Variants in SEMA3D observed in about 807,000 individuals in gnomAD.
SEMA3D encodes the protein semaphorin-3D.
SEMA3D carries 84 observed loss-of-function variants against 100.1 expected under a neutral mutation model. The ratio of observed to expected loss-of-function variants is 0.84; its 90% CI spans 0.70 to 1.01. The LOEUF is 1.01. Ranked by LOEUF, SEMA3D falls within the 50% of genes least tolerant of loss-of-function variation. The pLI is 0.00. For missense variants in SEMA3D, 875 were observed against 934.1 expected, an observed-to-expected ratio of 0.94 and a Z score of 0.82; for synonymous variants, 312 against 320.7, an observed-to-expected ratio of 0.97 and a Z score of 0.29.
chr7:85,050,775 G>A (rs1791142084), intron 9 of SEMA3D: 2 of 503,564 alleles, frequency 4.0e-6, no homozygotes, highest in Non-Finnish European at 7.0e-6. Context: ...AAATAATAAT[G>A]TAACTTCAGC....
upstream of SEMA3D, among the ~76,000 whole-genome samples, chr7:85,187,285 G>A (rs1043325410): frequency 6.6e-6 from 1 of 152,208 alleles, no homozygotes; most frequent in African/African-American, 2.4e-5. Context: ...TCTAACGTCT[G>A]ATCTTCCTTC....
upstream of SEMA3D, among the ~76,000 whole-genome samples, chr7:85,190,009 G>A (rs574475027): frequency 3.3e-5 from 5 of 152,222 alleles, no homozygotes; most frequent in South Asian, 6.2e-4. Context: ...CATATTGTAG[G>A]CTTCTCCAAT....
the SEMA3D span, among the ~76,000 whole-genome samples, chr7:85,197,192 T>TA: frequency 6.6e-6 from 1 of 152,186 alleles, no homozygotes; most frequent in Non-Finnish European, 1.5e-5. Context: ...AAAGAATCTC[T>TA]ATTAACATAG....
intron 2 of SEMA3D, chr7:85,141,003 A>T: frequency 1.5e-6 from 1 of 652,004 alleles, no homozygotes; most frequent in Non-Finnish European, 1.9e-6. Context: ...TTATATCAAT[A>T]ATCTAGTTTA....
chr7:85,040,395 A>AGGCATTT (rs1466731549), intron 11 of SEMA3D, among the ~76,000 whole-genome samples: 1 of 152,172 alleles, frequency 6.6e-6, no homozygotes. Context: ...ATGCAACAGT[A>AGGCATTT]GGCATTTGGA....
At chr7:85,019,846 A>T (rs374490370) in intron 14 of SEMA3D, among the ~76,000 whole-genome samples, 1 of 151,660 alleles carries the variant, frequency 6.6e-6, no homozygotes, top group African/African-American at 2.4e-5. Context: ...GCAGGGACAC[A>T]TGATTTATAC....
intron 3 of SEMA3D, among the ~76,000 whole-genome samples, chr7:85,103,343 A>G (rs1466276703): frequency 6.6e-6 from 1 of 152,050 alleles, no homozygotes; most frequent in African/African-American, 2.4e-5. Context: ...TTGGCAATAC[A>G]CTTCAGAGCT....
the SEMA3D span, among the ~76,000 whole-genome samples, chr7:85,227,387 G>C: frequency 6.6e-6 from 1 of 152,086 alleles, no homozygotes; most frequent in Non-Finnish European, 1.5e-5. Flanking sequence ...ACTGGGATTA[G>C]TGCCAGTATA....
chr7:85,107,615 C>G (rs17159622), intron 3 of SEMA3D, among the ~76,000 whole-genome samples: 2 of 151,918 alleles, frequency 1.3e-5, no homozygotes, highest in Non-Finnish European at 2.9e-5. Flanking sequence ...TCAATTTTTC[C>G]TCCAATCATC....
At chr7:85,001,998 G>T (rs999569995) in intron 18 of SEMA3D, among the ~76,000 whole-genome samples, 1 of 151,954 alleles carries the variant, frequency 6.6e-6, no homozygotes, top group African/African-American at 2.4e-5. Flanking sequence ...ACTTTTTATT[G>T]TTCTCTTTAA....
rs190141542 is a variant in SEMA3D at position 85,166,757 on chromosome 7, G to A, written c.-172-13018C>T. Among the ~76,000 whole-genome samples the A allele has an allele frequency of 3.0e-4, 46 of 151,960 alleles. No homozygotes were observed. The East Asian group carries it at 6.4e-3, about 21-fold the overall frequency. On this transcript the variant is annotated intron_variant, in intron 1 of 18. Coordinates refer to ENST00000284136, the MANE Select transcript of SEMA3D (RefSeq NM_001384900.1). ...ATGTGTAAAGTTCAAATTACTAGCC[G>A]TATGGTGCTGATAAAAATAAAGAAA...
chr7:85,108,955 C>T (rs1281535244), intron 3 of SEMA3D, among the ~76,000 whole-genome samples: 2 of 151,408 alleles, frequency 1.3e-5, no homozygotes, highest in Admixed American at 6.6e-5. Context: ...AAAAAGGTGT[C>T]AAGATGAGGA....
At chr7:85,153,051 A>G (rs1276283023) in intron 2 of SEMA3D, among the ~76,000 whole-genome samples, 2 of 152,124 alleles carry the variant, frequency 1.3e-5, no homozygotes, top group Non-Finnish European at 2.9e-5. Flanking sequence ...TACACACCAA[A>G]GATTGGTTCC....
intron 1 of SEMA3D, among the ~76,000 whole-genome samples, chr7:85,168,465 T>C (rs1287695272): frequency 6.6e-6 from 1 of 151,788 alleles, no homozygotes; most frequent in Non-Finnish European, 1.5e-5. Context: ...TCTAAATTAG[T>C]TGTCAACCTC....
chr7:85,029,792 G>C (rs779646429), intron 12 of SEMA3D: 1 of 223,656 alleles, frequency 4.5e-6, no homozygotes, highest in Non-Finnish European at 9.0e-6. Context: ...CGGTCGAGCT[G>C]CTATACTAAA....
chr7:85,024,057 C>A (rs1207828650), intron 12 of SEMA3D, among the ~76,000 whole-genome samples: 1 of 151,904 alleles, frequency 6.6e-6, no homozygotes, highest in Admixed American at 6.6e-5. Flanking sequence ...TCTAAGTCTG[C>A]ACGTTCAGTC....
intron 8 of SEMA3D, among the ~76,000 whole-genome samples, chr7:85,065,171 T>C (rs1224089848): frequency 1.3e-5 from 2 of 152,152 alleles, no homozygotes; most frequent in South Asian, 2.1e-4. Context: ...CCAGATGTCA[T>C]TGTGAATATT....
At chr7:85,069,097 C>T (rs1791703872) in intron 6 of SEMA3D, among the ~76,000 whole-genome samples, 1 of 152,152 alleles carries the variant, frequency 6.6e-6, no homozygotes, top group Non-Finnish European at 1.5e-5. Flanking sequence ...TGATGACTCA[C>T]TCTGTGTATG....
chr7:85,170,730 T>A (rs1188797365), intron 1 of SEMA3D, among the ~76,000 whole-genome samples: 1 of 152,022 alleles, frequency 6.6e-6, no homozygotes, highest in African/African-American at 2.4e-5. Context: ...AGGTTCATCT[T>A]CCCAAGACAC....
Sources: gnomAD v4.1 joint callset for allele counts (sites outside exome capture counted in the v4.1 genomes callset) on GRCh38, gnomAD v4.1.1 for gene constraint, MANE v1.5 for transcripts, NCBI Gene and HGNC (gene_info 2026-07-23, HGNC 2026-07-21) for gene names.